The following RHBDF1 variants were observed in gnomAD, a reference collection of about 807,000 sequenced individuals.
The protein encoded by RHBDF1 is inactive rhomboid protein 1.
A neutral mutation model predicts 98.6 loss-of-function variants in RHBDF1; 80 were observed. The observed-to-expected ratio is 0.81, with a 90% CI of 0.68 to 0.98. The LOEUF is 0.98. Among genes scored for constraint, RHBDF1 ranks in the 50% least tolerant of loss-of-function variants. The pLI, the probability that RHBDF1 is intolerant of heterozygous loss-of-function variation, is 0.00. For missense variants in RHBDF1, 1,116 were observed against 1,198.3 expected (o/e 0.93, Z 1.01); for synonymous variants, 512 against 486.8 (o/e 1.05, Z -0.68).
At chr16:73,023 C>A (rs1853578897), upstream of RHBDF1, among the ~76,000 whole-genome samples, 1 of 152,154 alleles carries the variant, frequency 6.6e-6, no homozygotes, top group African/African-American at 2.4e-5. Context: ...TCCAGAGGCC[C>A]ACGCTGACAA....
chr16:65,735 T>C (rs1388256157), intron 1 of RHBDF1, among the ~76,000 whole-genome samples: 2 of 152,144 alleles, frequency 1.3e-5, no homozygotes, highest in South Asian at 2.1e-4. Flanking sequence ...GTCCAGTGCA[T>C]AGAGTCACCA....
Position 58,083 on chromosome 16 carries a change from TC to T in RHBDF1, c.*256del. The T allele has an allele frequency of 2.3e-6, 1 of 444,188 alleles. No homozygotes were observed. The highest frequency in any genetic ancestry group is 4.0e-6 in the Non-Finnish European group (1 of 248,548). 27.5% of individuals were successfully genotyped at this position (444,188 alleles called of 1,614,324 possible). On this transcript the variant is annotated 3_prime_UTR_variant, in exon 18 of 18. Coordinates refer to ENST00000262316, the MANE Select transcript of RHBDF1 (RefSeq NM_022450.5). ...GTCAAGTTAATGGCAGCTAAAACGC[TC>T]CCAGTCCATTTATTGGCCACATGAG...
At chr16:61,098 A>G in intron 11 of RHBDF1, 22 bp downstream of exon 11, 8 of 1,515,914 alleles carry the variant, frequency 5.3e-6, no homozygotes, top group Non-Finnish European at 7.1e-6. Flanking sequence ...CGAAGGCGGG[A>G]GTCCCGGGCG....
chr16:59,686 G>T, intron 14 of RHBDF1, 46 bp downstream of exon 14: 1 of 1,604,964 alleles, frequency 6.2e-7, no homozygotes, highest in Non-Finnish European at 8.5e-7. Context: ...CTAGGGCGAT[G>T]CTCTGAGCCC....
intron 1 of RHBDF1, among the ~76,000 whole-genome samples, chr16:68,136 C>T (rs1897876780): frequency 6.6e-6 from 1 of 152,182 alleles, no homozygotes; most frequent in Non-Finnish European, 1.5e-5. Context: ...GCCGCCATGC[C>T]TCTACATCCA....
At position 64,586 on chromosome 16, in the gene RHBDF1, G is replaced by A; in HGVS notation, c.248+113C>T. On this transcript the variant is annotated intron_variant, in intron 3 of 17. Coordinates refer to ENST00000262316, the MANE Select transcript of RHBDF1 (RefSeq NM_022450.5). Reference sequence around the variant, plus strand: ...AGGGGATGGTGGGGACCGAGATGGAGGAGGAAGCTGAAACAAGAGGGCCCT... The same window carrying A: ...AGGGGATGGTGGGGACCGAGATGGAAGAGGAAGCTGAAACAAGAGGGCCCT... 3 of 1,540,090 alleles carry A rather than the reference G, an allele frequency of 1.9e-6. No homozygotes were observed. The South Asian group carries it at 3.8e-5, about 19-fold the overall frequency.
In RHBDF1 at chr16:61,464, G is replaced by A. The variant is rs759130358; in HGVS notation, c.1321-5C>T. ...GACCCCGCGGTTCCGCAGCACCTGGGAGGTTGGGGAGCGGGATCAGACGGG... is the reference window on the plus strand; with the variant it reads ...GACCCCGCGGTTCCGCAGCACCTGGAAGGTTGGGGAGCGGGATCAGACGGG... On this transcript the variant is annotated splice_polypyrimidine_tract_variant and splice_region_variant and intron_variant, in intron 9 of 17. Transcript: ENST00000262316. The A allele has an allele frequency of 1.9e-6, 3 of 1,612,492 alleles. No individual in the cohort carries two copies. Among genetic ancestry groups the A allele is most frequent in the Non-Finnish European group, 2.5e-6 (3 of 1,179,812 alleles).
In RHBDF1 at chr16:61,445, G is replaced by A. The variant is rs746607664; in HGVS notation, c.1335C>T (p.Arg445=). The part of the protein sequence containing the change: ...HETVDSVLRN[R]GVYENVKYVQ... ...CGTACTTGACGTTCTCGTAGACCCC[G>A]CGGTTCCGCAGCACCTGGGAGGTTG... Residue 445 remains arginine (R), a synonymous_variant, in exon 10 of 18, where the codon CGC becomes CGT. Transcript: ENST00000262316. 5 of 1,611,022 alleles carry A rather than the reference G, an allele frequency of 3.1e-6. No homozygotes were observed. Among genetic ancestry groups the A allele is most frequent in the Non-Finnish European group, 4.2e-6 (5 of 1,179,074 alleles).
chr16:69,098 G>A (rs1424905423), intron 1 of RHBDF1, among the ~76,000 whole-genome samples: 1 of 152,188 alleles, frequency 6.6e-6, no homozygotes, highest in Admixed American at 6.5e-5. Flanking sequence ...GAGCTGGGGG[G>A]TGAAAGGACC....
intron 13 of RHBDF1, 82 bp from the exon 14 acceptor site, chr16:59,908 A>ATGGG: frequency 6.3e-7 from 1 of 1,598,732 alleles, no homozygotes; most frequent in South Asian, 1.1e-5. Context: ...AGAGGCAAAG[A>ATGGG]TGGGTGGGCT....
chr16:73,136 C>G (rs1010771850), upstream of RHBDF1, among the ~76,000 whole-genome samples: 1 of 152,216 alleles, frequency 6.6e-6, no homozygotes, highest in Non-Finnish European at 1.5e-5. Context: ...GTCCCCACAT[C>G]CTTCCACTTC....
Position 58,770 on chromosome 16 carries a change from G to A in RHBDF1, c.2149-11C>T. On this transcript the variant is annotated splice_polypyrimidine_tract_variant and intron_variant, in intron 17 of 17. Transcript: ENST00000262316. ...GCCAGCAGGACCCACCTGGGGGATG[G>A]TTGGGGTAGCTGTAAGGCAGTGGGG... is the stretch of plus-strand genomic sequence containing the variant. 4 of 1,610,738 alleles carry A rather than the reference G, an allele frequency of 2.5e-6. No homozygotes were observed. Among genetic ancestry groups the A allele is most frequent in the Non-Finnish European group, 3.4e-6 (4 of 1,178,756 alleles).
Position 59,251 on chromosome 16 carries a change from G to C in RHBDF1, c.1992C>G (p.Ala664=). 1 of 1,600,266 alleles carries C rather than the reference G, an allele frequency of 6.2e-7. No individual in the cohort carries two copies. The highest frequency in any genetic ancestry group is 1.7e-4 in the Middle Eastern group (1 of 5,994). ...ACCCGGCCCACAGTGTCACTTGCCC[G>C]GCGTGCAGGAAGAGGGATAGCCACA... ...YRLWLSLFLH[A]GILHCLVSIC... The change falls in exon 16 of 18, where the codon GCC becomes GCG. Residue 664 remains alanine (A), a splice_region_variant and synonymous_variant. Transcript: ENST00000262316.
At chr16:61,326 C>T (rs971798353) in intron 10 of RHBDF1, 45 bp from the exon 11 acceptor site, 5 of 1,543,286 alleles carry the variant, frequency 3.2e-6, no homozygotes, top group African/African-American at 1.4e-5. Flanking sequence ...GGCCTCCTGC[C>T]CCCGCCGGGC....
At chr16:75,009 T>A (rs1898057511), upstream of RHBDF1, 1 of 152,462 alleles carries the variant, frequency 6.6e-6, no homozygotes, top group Admixed American at 6.5e-5. Flanking sequence ...GGTGGTCTCT[T>A]CACACGGACG....
chr16:73,925 T>A (rs1230940501), upstream of RHBDF1: 3 of 984,988 alleles, frequency 3.0e-6, no homozygotes, highest in Admixed American at 6.1e-5. Flanking sequence ...TACCGGTAGA[T>A]CCCAGAGCCT....
chr16:59,495 C>T lies in RHBDF1; in HGVS notation c.1818-1G>A, dbSNP rs1015378520. The T allele has an allele frequency of 6.2e-7, 1 of 1,612,894 alleles. No homozygotes were observed. Among genetic ancestry groups the T allele is most frequent in the Non-Finnish European group, 8.5e-7 (1 of 1,179,756 alleles). Reference sequence around the variant, plus strand: ...GTACTCCCGGGAGGTGATCTCACACCTAGAAAGGCAGGCCAGGGTTCGGAG... The same window carrying T: ...GTACTCCCGGGAGGTGATCTCACACTTAGAAAGGCAGGCCAGGGTTCGGAG... On this transcript the variant is annotated splice_acceptor_variant, in intron 14 of 17. Transcript: ENST00000262316. LOFTEE classifies it high-confidence loss of function.
chr16:61,303 G>A (rs902314251), intron 10 of RHBDF1, 22 bp from the exon 11 acceptor site: 13 of 1,541,750 alleles, frequency 8.4e-6, no homozygotes, highest in East Asian at 2.5e-5. Flanking sequence ...GGAGACGAGC[G>A]GCCGCAGTCC....
At chr16:72,824 C>G (rs545889346), upstream of RHBDF1, among the ~76,000 whole-genome samples, 360 of 152,280 alleles carry the variant, frequency 2.4e-3, 1 homozygote, top group Non-Finnish European at 4.2e-3. Flanking sequence ...CGCCTCGGCC[C>G]GACGGAGGAC....
Sources: gnomAD v4.1 joint callset for allele counts (sites outside exome capture counted in the v4.1 genomes callset) on GRCh38, gnomAD v4.1.1 for gene constraint, MANE v1.5 for transcripts, NCBI Gene and HGNC (gene_info 2026-07-23, HGNC 2026-07-21) for gene names.